Variants in FXR2 observed in about 807,000 individuals in gnomAD.
FXR2 encodes the protein RNA-binding protein FXR2.
In FXR2, 9 loss-of-function variants were observed where a neutral mutation model predicts 87.3. The ratio of observed to expected loss-of-function variants is 0.10; its 90% CI spans 0.06 to 0.18. The LOEUF (loss-of-function observed/expected upper bound fraction) is 0.18. FXR2 is among the 10% of genes least tolerant of loss of function. FXR2 has a pLI of 1.00. For synonymous variants in FXR2, 331 were observed against 328.3 expected, an observed-to-expected ratio of 1.01 and a Z score of -0.09; for missense variants, 661 against 893.6, an observed-to-expected ratio of 0.74 and a Z score of 3.32.
rs1452280817 is a variant in FXR2, at chr17:7,614,624, G to C, written c.-92C>G. ...AGGCCCCCGGCGTCTCCCCGGAGGA[G>C]GAGCCGGAGGGGGAGCCGCGGGGGG... is the stretch of plus-strand genomic sequence containing the variant. On this transcript the variant is annotated 5_prime_UTR_variant, in exon 1 of 17. Coordinates refer to ENST00000250113, the MANE Select transcript of FXR2 (RefSeq NM_004860.4). 3.0e-5 allele frequency: 22 copies of C among 721,526 alleles called. No homozygotes were observed. Among genetic ancestry groups the C allele is most frequent in the Admixed American group, 8.9e-5 (2 of 22,568 alleles). The allele number at this position is 721,526 out of a possible 1,614,324, so 44.7% of individuals were successfully genotyped here.
At chr17:7,606,612 G>A (rs2071805182) in intron 1 of FXR2, among the ~76,000 whole-genome samples, 3 of 152,288 alleles carry the variant, frequency 2.0e-5, no homozygotes, top group Middle Eastern at 6.8e-3. Flanking sequence ...GAGCAGACTC[G>A]CTGCCCTGAT....
In FXR2 at chr17:7,591,482, C is replaced by A; in HGVS notation, c.*348G>T. On this transcript the variant is annotated 3_prime_UTR_variant, in exon 17 of 17. Transcript: ENST00000250113. The surrounding 1 kb of genome is among the most constrained non-coding windows in gnomAD (Gnocchi z 4.0). ...GGGAGGAGGGATAGCAGGGGAGGCC[C>A]CCTGAACGGTCAAATCTGGGTGGGT... 3.4e-6 allele frequency: 1 copy of A among 297,948 alleles called. No homozygotes were observed. The highest frequency in any genetic ancestry group is 3.0e-5 in the South Asian group (1 of 33,682). 18.5% of individuals were successfully genotyped at this position (297,948 alleles called of 1,614,324 possible).
Position 7,602,966 on chromosome 17 carries a change from T to C in FXR2, c.486A>G (p.Lys162=). The C allele has an allele frequency of 6.3e-7, 1 of 1,594,852 alleles. No individual in the cohort carries two copies. ...SNENVHKEFK[K]ALGANCIFLN... The stretch of plus-strand genomic sequence containing the variant: ...GAAAGATGCAGTTGGCTCCCAGGGC[T>C]TTCTTGAACTCTTTATGGACGTTTT... The change falls in exon 6 of 17, where the codon AAA becomes AAG. Residue 162 remains lysine (K), a synonymous_variant. Transcript: ENST00000250113.
rs1309971454 is a variant in FXR2, at chr17:7,591,598, G to A, written c.*232C>T. The A allele has an allele frequency of 7.3e-6, 4 of 548,166 alleles. No homozygotes were observed. The Admixed American group carries it at 1.2e-4, about 17-fold the overall frequency. The allele number at this position is 548,166 out of a possible 1,614,324, so 34.0% of individuals were successfully genotyped here. A position where few individuals can be genotyped will look rare whatever the true frequency, so the allele number is the denominator to read the frequency against. ...GATAAAGGCACATCCAGTCTGATGG[G>A]GAAGGAGAGAGGCTCCCCTTACCCT... On this transcript the variant is annotated 3_prime_UTR_variant, in exon 17 of 17. Coordinates refer to ENST00000250113, the MANE Select transcript of FXR2 (RefSeq NM_004860.4). The surrounding 1 kb of genome is among the most constrained non-coding windows in gnomAD (Gnocchi z 4.0).
intron 7 of FXR2, among the ~76,000 whole-genome samples, chr17:7,596,732 T>C (rs1403001335): frequency 6.6e-6 from 1 of 152,214 alleles, no homozygotes; most frequent in Non-Finnish European, 1.5e-5. Context: ...ACAAGGTACA[T>C]GCAAGTGTAA....
In FXR2 at chr17:7,592,114, T is replaced by C. The variant is rs888846204; in HGVS notation, c.1926+140A>G. The C allele has an allele frequency of 1.3e-6, 2 of 1,488,564 alleles. No individual in the cohort carries two copies. Among genetic ancestry groups the C allele is most frequent in the East Asian group, 4.7e-5 (2 of 42,736 alleles). The allele number at this position is 1,488,564 out of a possible 1,614,324, so 92.2% of individuals were successfully genotyped here. ...GAACCACACTTTCTTCTCTATCCTA[T>C]TCAAAGTTTACACTGGTCTAAACTC... On this transcript the variant is annotated intron_variant, in intron 16 of 16. Transcript: ENST00000250113. This position sits in a 1 kb window ranked among gnomAD's most constrained non-coding sequence, Gnocchi z 4.8.
intron 1 of FXR2, among the ~76,000 whole-genome samples, chr17:7,610,382 T>C (rs977725430): frequency 1.3e-5 from 2 of 152,178 alleles, no homozygotes; most frequent in Admixed American, 6.5e-5. Flanking sequence ...AAATCGGCTA[T>C]GCCTATGGTG....
chr17:7,601,811 C>A (rs186448115), intron 6 of FXR2, among the ~76,000 whole-genome samples: 52 of 152,130 alleles, frequency 3.4e-4, no homozygotes, highest in African/African-American at 1.3e-3. Flanking sequence ...CCTATAATCC[C>A]AGCTACTCCA....
Position 7,592,186 on chromosome 17 carries a change from T to A in FXR2, c.1926+68A>T. 6.5e-7 allele frequency: 1 copy of A among 1,549,524 alleles called. No homozygotes were observed. Among genetic ancestry groups the A allele is most frequent in the Non-Finnish European group, 8.8e-7 (1 of 1,134,938 alleles). On this transcript the variant is annotated intron_variant, in intron 16 of 16. Coordinates refer to ENST00000250113, the MANE Select transcript of FXR2 (RefSeq NM_004860.4). The surrounding 1 kb of genome is among the most constrained non-coding windows in gnomAD (Gnocchi z 4.8). ...CAATTCAGTAGGAGATTTGTGAAAT[T>A]TTTTGTGCCCCCTGCCCCAGAGTAA...
chr17:7,614,673 C>T lies in FXR2; in HGVS notation c.-141G>A. The T allele has an allele frequency of 2.6e-6, 1 of 379,064 alleles. No individual in the cohort carries two copies. Among genetic ancestry groups the T allele is most frequent in the South Asian group, 1.2e-4 (1 of 8,294 alleles). The allele number at this position is 379,064 out of a possible 1,614,324, so 23.5% of individuals were successfully genotyped here. A position where few individuals can be genotyped will look rare whatever the true frequency, so the allele number is the denominator to read the frequency against. ...GGCGGGAGCCGGGCCGGCCCCACGG[C>T]GGCCCTGCCACAGCCAACGAGCAGG... On this transcript the variant is annotated 5_prime_UTR_variant, in exon 1 of 17. Coordinates refer to ENST00000250113, the MANE Select transcript of FXR2 (RefSeq NM_004860.4).
At position 7,593,387 on chromosome 17, in the gene FXR2, C is replaced by T. The variant is rs1267648130; in HGVS notation, c.1330+16G>A. The T allele has an allele frequency of 6.5e-7, 1 of 1,541,920 alleles. No individual in the cohort carries two copies. The highest frequency in any genetic ancestry group is 1.2e-5 in the South Asian group (1 of 84,184). ...GCCCTGCCACTCCTTGCCTCCTGTT[C>T]CCATAACTGTCTCACCATAGGCAGG... is the stretch of plus-strand genomic sequence containing the variant. On this transcript the variant is annotated intron_variant, in intron 12 of 16. Coordinates refer to ENST00000250113, the MANE Select transcript of FXR2 (RefSeq NM_004860.4). This position sits in a 1 kb window ranked among gnomAD's most constrained non-coding sequence, Gnocchi z 6.1.
chr17:7,608,312 G>T (rs1040553013), intron 1 of FXR2, among the ~76,000 whole-genome samples: 2 of 151,292 alleles, frequency 1.3e-5, no homozygotes, highest in Non-Finnish European at 2.9e-5. Context: ...TATCCTTTCT[G>T]GCCAGGGGCG....
At chr17:7,604,835 C>A (rs1296230873) in intron 3 of FXR2, among the ~76,000 whole-genome samples, 2 of 151,078 alleles carry the variant, frequency 1.3e-5, no homozygotes, top group Admixed American at 1.3e-4. Flanking sequence ...GATTCTCCTG[C>A]CTCAGCCTCC....
At chr17:7,598,403 C>T (rs1597873891) in intron 7 of FXR2, among the ~76,000 whole-genome samples, 1 of 152,094 alleles carries the variant, frequency 6.6e-6, no homozygotes, top group African/African-American at 2.4e-5. Context: ...TGCAGTGAGC[C>T]GAGATCACGC....
At chr17:7,604,643 A>G (rs1393293063) in intron 3 of FXR2, among the ~76,000 whole-genome samples, 4 of 144,598 alleles carry the variant, frequency 2.8e-5, no homozygotes, top group Non-Finnish European at 6.1e-5. Context: ...GTGAGCTGAG[A>G]CCGCGCCACT....
rs367799951 is a variant in FXR2 at position 7,602,440 on chromosome 17, C to T, written c.543+469G>A. On this transcript the variant is annotated intron_variant, in intron 6 of 16. Coordinates refer to ENST00000250113, the MANE Select transcript of FXR2 (RefSeq NM_004860.4). ...AAAATTAGCCAGGCGCAATGGCAGGCGCCTGTAATCCCAGCTACTCGGGAG... is the reference window on the plus strand; with the variant it reads ...AAAATTAGCCAGGCGCAATGGCAGGTGCCTGTAATCCCAGCTACTCGGGAG... Among the ~76,000 whole-genome samples, 102 of 152,162 alleles carry T rather than the reference C, an allele frequency of 6.7e-4. No homozygotes were observed. In the Middle Eastern group the frequency reaches 0.014, roughly 20 times the overall value.
At position 7,593,606 on chromosome 17, in the gene FXR2, A is replaced by C. The variant is rs1482993369; in HGVS notation, c.1127T>G (p.Leu376Trp). The part of the protein sequence containing the change: ...SYLQEVEQLR[L>W]ERLQIDEQLR... The stretch of plus-strand genomic sequence containing the variant: ...CTGCTCATCAATTTGTAGCCTCTCC[A>C]AGCGAAGCTGCTCTACCTCCTGGTT... Residue 376 changes from leucine to tryptophan, a missense_variant, in exon 12 of 17, where the codon TTG (leucine) becomes TGG (tryptophan). Leu to Trp is a moderately conservative substitution (Grantham distance 61). This residue lies in a region of FXR2 where 409 missense variants were observed against 432.0 expected (regional missense o/e 0.95). Transcript: ENST00000250113. This position sits in a 1 kb window ranked among gnomAD's most constrained non-coding sequence, Gnocchi z 6.1. 1 of 1,590,072 alleles carries C rather than the reference A, an allele frequency of 6.3e-7. No homozygotes were observed. Among genetic ancestry groups the C allele is most frequent in the East Asian group, 2.3e-5 (1 of 44,012 alleles).
Position 7,593,168 on chromosome 17 carries a change from A to C in FXR2, c.1344T>G (p.Asp448Glu), listed in dbSNP as rs2071680352. The change falls in exon 13 of 17, where the codon GAT becomes GAG. Residue 448 changes from aspartate (D) to glutamate (E), a missense_variant. Coordinates refer to ENST00000250113, the MANE Select transcript of FXR2 (RefSeq NM_004860.4). This position sits in a 1 kb window ranked among gnomAD's most constrained non-coding sequence, Gnocchi z 6.1. ...ACTCAGTCTCTGAAGCTGTAGACAC[A>C]TCTGAGCTGGGGCCTGAAGAACACA... The part of the protein sequence containing the change: ...TGGPAYGPSS[D>E]VSTASETESE... 1.3e-6 allele frequency: 2 copies of C among 1,525,372 alleles called. No homozygotes were observed. The highest frequency in any genetic ancestry group is 1.8e-6 in the Non-Finnish European group (2 of 1,138,446). The allele number at this position is 1,525,372 out of a possible 1,614,324, so 94.5% of individuals were successfully genotyped here. A position where few individuals can be genotyped will look rare whatever the true frequency, so the allele number is the denominator to read the frequency against.
Position 7,614,894 on chromosome 17 carries a change from C to T in FXR2, c.-362G>A, listed in dbSNP as rs936718751. The T allele has an allele frequency of 1.9e-5, 3 of 154,328 alleles. No individual in the cohort carries two copies. The highest frequency in any genetic ancestry group is 2.9e-5 in the Non-Finnish European group (2 of 69,038). The allele number at this position is 154,328 out of a possible 1,614,324, so 9.6% of individuals were successfully genotyped here. A position where few individuals can be genotyped will look rare whatever the true frequency, so the allele number is the denominator to read the frequency against. On this transcript the variant is annotated 5_prime_UTR_variant, in exon 1 of 17. Coordinates refer to ENST00000250113, the MANE Select transcript of FXR2 (RefSeq NM_004860.4). ...CACCTCCCCCTGCCACCGCCGCCTA[C>T]TGCGCAGGCGCACCGGGCACCCGCC...
Sources: gnomAD v4.1 joint callset for allele counts (sites outside exome capture counted in the v4.1 genomes callset) on GRCh38, gnomAD v4.1.1 for gene constraint, gnomAD v4.1.1 regional missense constraint, Gnocchi (gnomAD v3.1) non-coding constraint, MANE v1.5 for transcripts, NCBI Gene and HGNC (gene_info 2026-07-23, HGNC 2026-07-21) for gene names.